APBA2: variants seen among roughly 807,000 people sequenced by gnomAD.
APBA2 encodes amyloid beta precursor protein binding family A member 2.
In APBA2, 30 loss-of-function variants were observed where a neutral mutation model predicts 75.0. The observed-to-expected ratio is 0.40, with a 90% CI of 0.30 to 0.54. The LOEUF (loss-of-function observed/expected upper bound fraction) is 0.54, where lower values mean the gene tolerates loss of function less well. Among genes scored for constraint, APBA2 ranks in the 20% least tolerant of loss-of-function variants. The pLI is 0.49. For synonymous variants in APBA2, 444 were observed against 409.6 expected (o/e 1.08, Z -1.01); for missense variants, 801 against 1,016.1 (o/e 0.79, Z 2.88).
At chr15:29,108,218 C>G in intron 12 of APBA2, 52 bp from the exon 13 acceptor site, 1 of 1,611,830 alleles carries the variant, frequency 6.2e-7, no homozygotes, top group Non-Finnish European at 8.5e-7. Flanking sequence ...CATCCTGGGT[C>G]AGGCTTGATG....
chr15:29,107,053 G>T (rs1017750041), intron 12 of APBA2, among the ~76,000 whole-genome samples: 10 of 152,170 alleles, frequency 6.6e-5, no homozygotes, highest in Non-Finnish European at 1.5e-4. Context: ...GAAGGGAGGG[G>T]TTGTCTGAGC....
intron 6 of APBA2, among the ~76,000 whole-genome samples, chr15:29,081,057 C>T (rs2043062974): frequency 6.6e-6 from 1 of 152,070 alleles, no homozygotes; most frequent in Non-Finnish European, 1.5e-5. Flanking sequence ...AGATTACATG[C>T]CCCAGACCTG....
intron 3 of APBA2, among the ~76,000 whole-genome samples, chr15:29,052,380 A>C (rs1299977455): frequency 6.9e-6 from 1 of 145,486 alleles, no homozygotes; most frequent in Non-Finnish European, 1.5e-5. Context: ...GTGTGAACCC[A>C]GGAGGTGGAA....
At chr15:28,970,887 C>T (rs1353908533) in intron 2 of APBA2, among the ~76,000 whole-genome samples, 2 of 152,142 alleles carry the variant, frequency 1.3e-5, no homozygotes, top group Admixed American at 6.5e-5. Flanking sequence ...TGCACACACC[C>T]GTATGTGTGC....
In APBA2 at chr15:29,054,876, C is replaced by T. The variant is rs752091629; in HGVS notation, c.951+41C>T. The stretch of plus-strand genomic sequence containing the variant: ...TCCTGGGGAAGGGAGCAGAGGGGCC[C>T]GAGAGCAAGGGACCTCAGGGTACAG... On this transcript the variant is annotated intron_variant, in intron 4 of 14. Coordinates refer to ENST00000683413, the MANE Select transcript of APBA2 (RefSeq NM_001353788.2). The surrounding 1 kb of genome is among the most constrained non-coding windows in gnomAD (Gnocchi z 6.1). 1.0e-5 allele frequency: 16 copies of T among 1,564,658 alleles called. No individual in the cohort carries two copies. Among genetic ancestry groups the T allele is most frequent in the East Asian group, 2.3e-5 (1 of 43,910 alleles).
rs115663290 is a variant in APBA2 at position 28,958,406 on chromosome 15, G to A, written c.-95+36657G>A. On this transcript the variant is annotated intron_variant, in intron 2 of 14. Coordinates refer to ENST00000683413, the MANE Select transcript of APBA2 (RefSeq NM_001353788.2). ...TAGCCTGTCCTCACTGATCCAGGAG[G>A]AACCTGAAAAGTATTTTAAGTGCAC... Among the ~76,000 whole-genome samples, 703 of 152,372 alleles carry A rather than the reference G, an allele frequency of 4.6e-3. 6 individuals carry two copies. The highest frequency in any genetic ancestry group is 0.016 in the African/African-American group (664 of 41,592).
intron 3 of APBA2, among the ~76,000 whole-genome samples, chr15:29,039,035 G>A (rs1023912832): frequency 9.2e-5 from 14 of 151,642 alleles, no homozygotes; most frequent in African/African-American, 2.9e-4. Flanking sequence ...AAGATGAAGC[G>A]GGGAGATATG....
chr15:29,090,736 G>A (rs1466038846), intron 6 of APBA2, among the ~76,000 whole-genome samples: 2 of 152,196 alleles, frequency 1.3e-5, no homozygotes, highest in Non-Finnish European at 2.9e-5. Context: ...ACTGCATTGG[G>A]CCCCACTGGG....
chr15:28,952,356 C>G (rs187633771), intron 2 of APBA2, among the ~76,000 whole-genome samples: 4 of 152,046 alleles, frequency 2.6e-5, no homozygotes, highest in South Asian at 4.2e-4. Flanking sequence ...ATAGAGTGAC[C>G]TTGTCTCTAC....
At position 29,096,759 on chromosome 15, in the gene APBA2, T is replaced by C. The variant is rs539774864; in HGVS notation, c.1252-1731T>C. On this transcript the variant is annotated intron_variant, in intron 8 of 14. Transcript: ENST00000683413. ...TATTTCAGATTTTCTAGTGAATAATTAAATCATAGTTTTTGCTGTTTCGAA... is the reference window on the plus strand; with the variant it reads ...TATTTCAGATTTTCTAGTGAATAATCAAATCATAGTTTTTGCTGTTTCGAA... Among the ~76,000 whole-genome samples, 7 of 152,358 alleles carry C rather than the reference T, an allele frequency of 4.6e-5. No individual in the cohort carries two copies. In the South Asian group the frequency reaches 1.2e-3, roughly 27 times the overall value.
chr15:29,047,817 A>AT (rs1385828285), intron 3 of APBA2, among the ~76,000 whole-genome samples: 5 of 152,226 alleles, frequency 3.3e-5, no homozygotes, highest in Non-Finnish European at 4.4e-5. Context: ...AGTAAAATCT[A>AT]TTTTTACAAA....
intron 3 of APBA2, among the ~76,000 whole-genome samples, chr15:29,030,718 C>A (rs550170806): frequency 1.9e-4 from 27 of 144,308 alleles, no homozygotes; most frequent in Non-Finnish European, 3.0e-4. Flanking sequence ...TTTGGTTAAA[C>A]CCATGTGAGT....
intron 6 of APBA2, among the ~76,000 whole-genome samples, chr15:29,092,764 C>T (rs1445546725): frequency 2.0e-5 from 3 of 152,178 alleles, no homozygotes; most frequent in Non-Finnish European, 2.9e-5. Context: ...TGGGATGTGA[C>T]GCCTTCTGGA....
At chr15:28,987,422 G>A (rs947287304) in intron 2 of APBA2, among the ~76,000 whole-genome samples, 1 of 152,028 alleles carries the variant, frequency 6.6e-6, no homozygotes, top group East Asian at 1.9e-4. Flanking sequence ...GTCCAAGATC[G>A]ACTTCACCTG....
intron 2 of APBA2, among the ~76,000 whole-genome samples, chr15:28,948,201 A>G (rs1186232556): frequency 2.0e-5 from 3 of 152,250 alleles, no homozygotes; most frequent in Non-Finnish European, 4.4e-5. Flanking sequence ...TCAGAGGCTC[A>G]CAGAGGTTCA....
chr15:29,099,307 A>T (rs59831373), intron 9 of APBA2, among the ~76,000 whole-genome samples: 1 of 152,094 alleles, frequency 6.6e-6, no homozygotes, highest in Non-Finnish European at 1.5e-5. Context: ...GGACTCAGTG[A>T]GCTCACAGCT....
At chr15:28,887,922 G>T (rs1333224957) in intron 1 of APBA2, among the ~76,000 whole-genome samples, 2 of 152,080 alleles carry the variant, frequency 1.3e-5, no homozygotes, top group African/African-American at 4.8e-5. Context: ...CCCTACTGCC[G>T]GTCTCCTGGG....
At chr15:28,940,689 C>T (rs1036640017) in intron 2 of APBA2, among the ~76,000 whole-genome samples, 4 of 152,202 alleles carry the variant, frequency 2.6e-5, no homozygotes, top group Admixed American at 2.6e-4. Context: ...ACACGGAGCA[C>T]CCCCAGTCCC....
intron 6 of APBA2, among the ~76,000 whole-genome samples, chr15:29,089,451 A>G (rs1354337579): frequency 6.6e-6 from 1 of 152,160 alleles, no homozygotes; most frequent in Non-Finnish European, 1.5e-5. Flanking sequence ...ACACTCCCAC[A>G]TACACCTGTG....
Sources: gnomAD v4.1 joint callset for allele counts (sites outside exome capture counted in the v4.1 genomes callset) on GRCh38, gnomAD v4.1.1 for gene constraint, Gnocchi (gnomAD v3.1) non-coding constraint, MANE v1.5 for transcripts, NCBI Gene and HGNC (gene_info 2026-07-23, HGNC 2026-07-21) for gene names.